Variants in MYCBP2 observed in about 807,000 individuals in gnomAD.
The protein encoded by MYCBP2 is E3 ubiquitin-protein ligase MYCBP2.
A neutral mutation model predicts 525.3 loss-of-function variants in MYCBP2; 120 were observed. That is an observed-to-expected ratio of 0.23 (90% confidence interval 0.20 to 0.27). The LOEUF is 0.27. MYCBP2 is among the 10% of genes least tolerant of loss of function. The probability of loss-of-function intolerance (pLI) is 1.00; values close to 1 mark genes in which losing one functional copy is unlikely to be tolerated. For synonymous variants in MYCBP2, 1,894 were observed against 1,955.8 expected, an observed-to-expected ratio of 0.97 and a Z score of 0.83; for missense variants, 4,149 against 5,657.1, an observed-to-expected ratio of 0.73 and a Z score of 8.55.
In MYCBP2 at chr13:77,089,100, A is replaced by G; in HGVS notation, c.10526-69T>C. Reference sequence around the variant, plus strand: ...TATATATTTAAGATAATAATATCTAATATATTCACTTAAAGCCTTTGTCAT... The same window carrying G: ...TATATATTTAAGATAATAATATCTAGTATATTCACTTAAAGCCTTTGTCAT... On this transcript the variant is annotated intron_variant, in intron 60 of 82. Transcript: ENST00000544440. 3.5e-6 allele frequency: 4 copies of G among 1,128,500 alleles called. No individual in the cohort carries two copies. The South Asian group carries it at 5.0e-5, about 14-fold the overall frequency. The allele number at this position is 1,128,500 out of a possible 1,614,324, so 69.9% of individuals were successfully genotyped here.
At chr13:77,087,708 C>A in intron 61 of MYCBP2, 75 bp from the exon 62 acceptor site, 2 of 1,268,472 alleles carry the variant, frequency 1.6e-6, no homozygotes, top group Non-Finnish European at 2.2e-6. Flanking sequence ...TAAAGTACCT[C>A]CATGGATTAA....
In MYCBP2 at chr13:77,326,581, C is replaced by G; in HGVS notation, c.195G>C (p.Gln65His). 6.3e-7 allele frequency: 1 copy of G among 1,596,842 alleles called. No homozygotes were observed. The highest frequency in any genetic ancestry group is 8.5e-7 in the Non-Finnish European group (1 of 1,172,788). Reference sequence around the variant, plus strand: ...CCAGGGCCCGGCCTGACAGCAGCAGCTGGTAGTGACCCCGGGAGTCCGCGG... The same window carrying G: ...CCAGGGCCCGGCCTGACAGCAGCAGGTGGTAGTGACCCCGGGAGTCCGCGG... ...LPAADSRGHY[Q>H]LLLSGRALAD... Residue 65 changes from glutamine (Q) to histidine (H), a missense_variant, in exon 1 of 83, where the codon CAG becomes CAC. Coordinates refer to ENST00000544440, the MANE Select transcript of MYCBP2 (RefSeq NM_015057.5). This position sits in a 1 kb window ranked among gnomAD's most constrained non-coding sequence, Gnocchi z 4.2.
chr13:77,223,261 G>C (rs761438634), intron 20 of MYCBP2, among the ~76,000 whole-genome samples: 13 of 152,168 alleles, frequency 8.5e-5, no homozygotes, highest in Non-Finnish European at 1.8e-4. Flanking sequence ...GCCCAATGCA[G>C]GACCCTTCCA....
intron 66 of MYCBP2, among the ~76,000 whole-genome samples, 185 bp downstream of exon 66, chr13:77,078,639 G>A (rs1017101351): frequency 1.3e-5 from 2 of 152,138 alleles, no homozygotes; most frequent in Admixed American, 6.6e-5. Flanking sequence ...CAGGTGAGAT[G>A]TCCAGCACAG....
intron 21 of MYCBP2, among the ~76,000 whole-genome samples, chr13:77,212,965 C>G (rs1376417119): frequency 6.6e-6 from 1 of 152,274 alleles, no homozygotes; most frequent in East Asian, 1.9e-4. Flanking sequence ...ACTGCGAACA[C>G]TCTGGTCACG....
At chr13:77,068,208 C>G (rs1446030093) in intron 70 of MYCBP2, among the ~76,000 whole-genome samples, 1 of 152,074 alleles carries the variant, frequency 6.6e-6, no homozygotes, top group African/African-American at 2.4e-5. Context: ...ATATGATATA[C>G]ATACTATTCA....
At chr13:77,148,717 G>A (rs552504851) in intron 47 of MYCBP2, among the ~76,000 whole-genome samples, 3 of 152,122 alleles carry the variant, frequency 2.0e-5, no homozygotes, top group Admixed American at 1.3e-4. Context: ...TTATTCAAAG[G>A]CATCTAATAA....
Position 77,326,240 on chromosome 13 carries a change from G to GACACACACACACACACACACACAC in MYCBP2, c.302+210_302+233dup, listed in dbSNP as rs398023536. On this transcript the variant is annotated intron_variant, in intron 1 of 82. Transcript: ENST00000544440. This position sits in a 1 kb window ranked among gnomAD's most constrained non-coding sequence, Gnocchi z 4.2. Reference sequence around the variant, plus strand: ...CACTATCCCCCCACATAGGCAGGCAGACACACACACACACACACACACACA... The same window carrying GACACACACACACACACACACACAC: ...CACTATCCCCCCACATAGGCAGGCAGACACACACACACACACACACACACACACACACACACACACACACACACA... Among the ~76,000 whole-genome samples, 4 of 127,772 alleles carry GACACACACACACACACACACACAC rather than the reference G, an allele frequency of 3.1e-5. No individual in the cohort carries two copies. Among genetic ancestry groups the GACACACACACACACACACACACAC allele is most frequent in the African/African-American group, 1.2e-4 (4 of 33,588 alleles). The allele number at this position is 127,772 out of a possible 152,430, so 83.8% of individuals were successfully genotyped here.
rs370010038 is a variant in MYCBP2, at chr13:77,169,642, A to G, written c.5867T>C (p.Ile1956Thr). The G allele has an allele frequency of 4.0e-5, 64 of 1,613,816 alleles. No individual in the cohort carries two copies. The highest frequency in any genetic ancestry group is 5.3e-5 in the Non-Finnish European group (62 of 1,179,874). ...GGGAATAGCAGCAGCTACTGGTCCT[A>G]TGTAGGCTATAATAAGGGGGAGCAG... Reference protein sequence around the residue: ...SMLLPLIIAYIGPVAAAIPKV... With the variant: ...SMLLPLIIAYTGPVAAAIPKV... The change falls in exon 39 of 83, where the codon ATA (isoleucine) becomes ACA (threonine). Residue 1956 changes from isoleucine to threonine, a missense_variant. Transcript: ENST00000544440.
chr13:77,099,096 A>C (rs1160302956), intron 55 of MYCBP2, 83 bp from the exon 56 acceptor site: 2 of 1,523,568 alleles, frequency 1.3e-6, no homozygotes, highest in Non-Finnish European at 1.8e-6. Context: ...GAAATAAAAA[A>C]ACATAGCTAC....
rs943164757 is a variant in MYCBP2 at position 77,078,050 on chromosome 13, A to T, written c.11485-663T>A. 5 of 152,190 alleles carry T rather than the reference A, an allele frequency of 3.3e-5. No homozygotes were observed. The East Asian group carries it at 9.6e-4, about 29-fold the overall frequency. The allele number at this position is 152,190 out of a possible 1,614,324, so 9.4% of individuals were successfully genotyped here. On this transcript the variant is annotated intron_variant, in intron 66 of 82. Coordinates refer to ENST00000544440, the MANE Select transcript of MYCBP2 (RefSeq NM_015057.5). The stretch of plus-strand genomic sequence containing the variant: ...ACCAAGAAATGACCTGGCGATTTCT[A>T]TGTGATTTAAATAGACATTAAGTTG...
chr13:77,067,545 T>C (rs1384739245), intron 71 of MYCBP2, 36 bp downstream of exon 71: 1 of 1,602,238 alleles, frequency 6.2e-7, no homozygotes, highest in Non-Finnish European at 8.5e-7. Flanking sequence ...GCTCACTCTA[T>C]TCTGTTTTGG....
At chr13:77,157,912 A>G in intron 45 of MYCBP2, 25 bp downstream of exon 45, 1 of 1,573,400 alleles carries the variant, frequency 6.4e-7, no homozygotes, top group Non-Finnish European at 8.6e-7. Context: ...CCTAAAATAA[A>G]GTAAGTAACT....
chr13:77,168,474 A>G lies in MYCBP2; in HGVS notation c.6068T>C (p.Ile2023Thr), dbSNP rs1212674152. The G allele has an allele frequency of 1.7e-5, 27 of 1,613,938 alleles. No individual in the cohort carries two copies. Among genetic ancestry groups the G allele is most frequent in the Non-Finnish European group, 2.3e-5 (27 of 1,180,010 alleles). The change falls in exon 40 of 83, where the codon ATA (isoleucine) becomes ACA (threonine). Residue 2023 changes from isoleucine to threonine, a missense_variant. Transcript: ENST00000544440. ...ACTTSSHYAV[I>T]ESEHPYKPAC... Reference sequence around the variant, plus strand: ...AGGTTTATACGGGTGCTCACTCTCTATGACAGCATAGTGACTGGAGGTTGT... The same window carrying G: ...AGGTTTATACGGGTGCTCACTCTCTGTGACAGCATAGTGACTGGAGGTTGT...
chr13:77,310,705 A>C (rs1464635915), intron 1 of MYCBP2, among the ~76,000 whole-genome samples: 2 of 152,176 alleles, frequency 1.3e-5, no homozygotes, highest in Non-Finnish European at 2.9e-5. Flanking sequence ...ATAAAAATTG[A>C]CATCACACAG....
At chr13:77,045,682 C>G (rs1156593644) in intron 82 of MYCBP2, among the ~76,000 whole-genome samples, 189 bp from the exon 83 acceptor site, 1 of 152,084 alleles carries the variant, frequency 6.6e-6, no homozygotes, top group Non-Finnish European at 1.5e-5. Flanking sequence ...AAATTCAACA[C>G]AGATATGTAC....
chr13:77,253,016 G>C (rs894187078), intron 14 of MYCBP2, among the ~76,000 whole-genome samples: 1 of 151,684 alleles, frequency 6.6e-6, no homozygotes, highest in African/African-American at 2.4e-5. Flanking sequence ...CTCTCACCAG[G>C]CTACATTCAT....
intron 41 of MYCBP2, 117 bp from the exon 42 acceptor site, chr13:77,165,508 T>C (rs1047780085): frequency 5.3e-5 from 40 of 755,336 alleles, no homozygotes; most frequent in South Asian, 2.7e-4. Flanking sequence ...ACAAATCATA[T>C]ACTACATAAC....
chr13:77,117,116 TG>T (rs1460887567), intron 55 of MYCBP2, among the ~76,000 whole-genome samples: 3 of 152,072 alleles, frequency 2.0e-5, no homozygotes, highest in African/African-American at 4.8e-5. Context: ...GTAAAAAGTC[TG>T]ATGCAACACA....
Sources: gnomAD v4.1 joint callset for allele counts (sites outside exome capture counted in the v4.1 genomes callset) on GRCh38, gnomAD v4.1.1 for gene constraint, Gnocchi (gnomAD v3.1) non-coding constraint, MANE v1.5 for transcripts, NCBI Gene and HGNC (gene_info 2026-07-23, HGNC 2026-07-21) for gene names.